Variants in PTPN12 observed in about 807,000 individuals in gnomAD.
PTPN12 encodes the protein tyrosine-protein phosphatase non-receptor type 12.
PTPN12 carries 29 observed loss-of-function variants against 97.6 expected under a neutral mutation model. That is an observed-to-expected ratio of 0.30 (90% CI 0.22 to 0.41). PTPN12 has a LOEUF of 0.41. Among genes scored for constraint, PTPN12 ranks in the 10% least tolerant of loss-of-function variants. PTPN12 has a pLI of 1.00. For synonymous variants in PTPN12, 327 were observed against 300.4 expected (o/e 1.09, Z -0.91); for missense variants, 819 against 926.0 (o/e 0.88, Z 1.50).
At chr7:77,601,599 ATT>A (rs1296329465) in intron 8 of PTPN12, among the ~76,000 whole-genome samples, 1 of 152,158 alleles carries the variant, frequency 6.6e-6, no homozygotes, top group African/African-American at 2.4e-5. Context: ...TATTATATAT[ATT>A]AACAGTAAAA....
intron 11 of PTPN12, among the ~76,000 whole-genome samples, chr7:77,614,444 G>T (rs2097123912): frequency 6.6e-6 from 1 of 152,128 alleles, no homozygotes; most frequent in Admixed American, 6.5e-5. Flanking sequence ...GAGATGAGAT[G>T]AAATAATACC....
At chr7:77,626,680 C>T (rs1789196640) in intron 12 of PTPN12, 25 bp from the exon 13 acceptor site, 3 of 1,565,910 alleles carry the variant, frequency 1.9e-6, no homozygotes, top group Admixed American at 3.8e-5. Context: ...TCTTAAAATG[C>T]CCTTTTTAAA....
intron 2 of PTPN12, among the ~76,000 whole-genome samples, chr7:77,576,544 A>G (rs1052131002): frequency 2.0e-5 from 3 of 152,116 alleles, no homozygotes; most frequent in Admixed American, 2.0e-4. Context: ...TAAAAATACA[A>G]AAATTAGCTA....
chr7:77,600,880 AAT>A (rs1788168300), intron 8 of PTPN12, 74 bp downstream of exon 8: 5 of 1,262,018 alleles, frequency 4.0e-6, no homozygotes, highest in African/African-American at 1.5e-5. Context: ...TTTCTGCATT[AAT>A]ATGTTAGTAA....
rs549020471 is a variant in PTPN12, at chr7:77,575,325, A to G, written c.208+4139A>G. ...GGCAACATAGCAAAACTCAACACAC[A>G]CACGCACGCACGCACGCACACACAC... On this transcript the variant is annotated intron_variant, in intron 2 of 17. Coordinates refer to ENST00000248594, the MANE Select transcript of PTPN12 (RefSeq NM_002835.4). Among the ~76,000 whole-genome samples, 9 of 151,356 alleles carry G rather than the reference A, an allele frequency of 5.9e-5. 1 individual carries two copies. In the South Asian group the frequency reaches 1.3e-3, roughly 21 times the overall value.
At chr7:77,559,973 G>A (rs943437856) in intron 1 of PTPN12, among the ~76,000 whole-genome samples, 2 of 152,196 alleles carry the variant, frequency 1.3e-5, no homozygotes, top group Non-Finnish European at 2.9e-5. Context: ...ACTAGGACAT[G>A]TTTTTGGAAT....
chr7:77,578,869 C>A (rs2151327863), intron 2 of PTPN12, among the ~76,000 whole-genome samples: 1 of 152,208 alleles, frequency 6.6e-6, no homozygotes, highest in South Asian at 2.1e-4. Flanking sequence ...CAAATACTTA[C>A]TAACTATAAA....
At chr7:77,588,804 A>C (rs772945546) in intron 5 of PTPN12, among the ~76,000 whole-genome samples, 21 of 152,174 alleles carry the variant, frequency 1.4e-4, no homozygotes, top group Admixed American at 3.3e-4. Flanking sequence ...TAGGAATAAA[A>C]TTGAACAAGT....
intron 2 of PTPN12, 73 bp downstream of exon 2, chr7:77,571,259 C>A (rs1787116676): frequency 2.3e-6 from 2 of 859,616 alleles, no homozygotes; most frequent in African/African-American, 3.6e-5. Flanking sequence ...TAGTTTTATT[C>A]TTCCTGAGTT....
At chr7:77,584,218 C>G (rs1314367396) in intron 4 of PTPN12, among the ~76,000 whole-genome samples, 1 of 152,202 alleles carries the variant, frequency 6.6e-6, no homozygotes, top group East Asian at 1.9e-4. Flanking sequence ...TGATACTTTT[C>G]ATTGTGTGGA....
chr7:77,578,502 A>G (rs1787408051), intron 2 of PTPN12, among the ~76,000 whole-genome samples: 2 of 152,226 alleles, frequency 1.3e-5, no homozygotes, highest in Admixed American at 1.3e-4. Context: ...TATCTTCCTT[A>G]TATGTGTCTT....
At chr7:77,555,206 C>T (rs117680045) in intron 1 of PTPN12, among the ~76,000 whole-genome samples, 2,785 of 150,614 alleles carry the variant, frequency 0.018, 34 homozygotes, top group Middle Eastern at 0.072. Context: ...GCTTTTTAAA[C>T]GATTTGTTTA....
At chr7:77,613,445 G>A (rs1488067889) in intron 11 of PTPN12, among the ~76,000 whole-genome samples, 1 of 151,524 alleles carries the variant, frequency 6.6e-6, no homozygotes, top group East Asian at 2.0e-4. Flanking sequence ...AAAGTGCCAG[G>A]ATTACAGGCA....
intron 12 of PTPN12, among the ~76,000 whole-genome samples, chr7:77,624,056 T>C (rs192121825): frequency 6.6e-6 from 1 of 151,770 alleles, no homozygotes; most frequent in Non-Finnish European, 1.5e-5. Flanking sequence ...AGTTTAGGAG[T>C]TTGAGATCAG....
At position 77,600,764 on chromosome 7, in the gene PTPN12, A is replaced by G. The variant is rs748230334; in HGVS notation, c.653A>G (p.Lys218Arg). 6.2e-7 allele frequency: 1 copy of G among 1,610,852 alleles called. No homozygotes were observed. The highest frequency in any genetic ancestry group is 1.1e-5 in the South Asian group (1 of 90,586). ...CTGGACATGATAAGCTTAATGAGGA[A>G]ATATCAAGAACATGAAGATGTTCCT... ...SILDMISLMR[K>R]YQEHEDVPIC... The change falls in exon 8 of 18, where the codon AAA becomes AGA. Residue 218 changes from lysine (K) to arginine (R), a missense_variant. Coordinates refer to ENST00000248594, the MANE Select transcript of PTPN12 (RefSeq NM_002835.4).
At chr7:77,559,736 T>C (rs1189035957) in intron 1 of PTPN12, among the ~76,000 whole-genome samples, 1 of 151,222 alleles carries the variant, frequency 6.6e-6, no homozygotes, top group Non-Finnish European at 1.5e-5. Context: ...TCACTGACTA[T>C]GTGATGTTCC....
intron 9 of PTPN12, among the ~76,000 whole-genome samples, chr7:77,609,558 C>T (rs1021597348): frequency 6.6e-6 from 1 of 151,690 alleles, no homozygotes; most frequent in Non-Finnish European, 1.5e-5. Flanking sequence ...ACATGAGCCA[C>T]TGCACCCGGC....
Position 77,640,015 on chromosome 7 carries a change from T to C in PTPN12, c.*735T>C, listed in dbSNP as rs1789739648. The stretch of plus-strand genomic sequence containing the variant: ...GGGATTAGAAGACTATCAAAATACA[T>C]GTATGTTTCAGGATATTTGACCTGT... On this transcript the variant is annotated 3_prime_UTR_variant, in exon 18 of 18. Coordinates refer to ENST00000248594, the MANE Select transcript of PTPN12 (RefSeq NM_002835.4). The C allele has an allele frequency of 6.6e-6, 1 of 152,500 alleles. No individual in the cohort carries two copies. The highest frequency in any genetic ancestry group is 6.6e-5 in the Admixed American group (1 of 15,246). The allele number at this position is 152,500 out of a possible 1,614,324, so 9.4% of individuals were successfully genotyped here.
At chr7:77,625,472 GCTCTCTCTCTCTCTCTCT>G (rs775712037) in intron 12 of PTPN12, among the ~76,000 whole-genome samples, 361 of 33,554 alleles carry the variant, frequency 0.011, 78 homozygotes, top group Middle Eastern at 0.1. Context: ...CAGGCTGCTC[GCTCTCTCTCTCTCTCTCT>G]CTCTCTCTCT....
Sources: gnomAD v4.1 joint callset for allele counts (sites outside exome capture counted in the v4.1 genomes callset) on GRCh38, gnomAD v4.1.1 for gene constraint, MANE v1.5 for transcripts, NCBI Gene and HGNC (gene_info 2026-07-23, HGNC 2026-07-21) for gene names.